Variants in LRP1B observed in about 807,000 individuals in gnomAD.
LRP1B encodes the protein low-density lipoprotein receptor-related protein 1B.
Under a neutral mutation model 556.6 loss-of-function variants are expected in LRP1B, and 217 were observed. The observed-to-expected ratio is 0.39, with a 90% confidence interval of 0.35 to 0.44. LRP1B has a LOEUF of 0.44. LRP1B is among the 20% of genes least tolerant of loss of function. The pLI, the probability that LRP1B is intolerant of heterozygous loss-of-function variation, is 1.00. For synonymous variants in LRP1B, 2,047 were observed against 1,865.8 expected (o/e 1.10, Z -2.50); for missense variants, 5,053 against 5,620.8 (o/e 0.90, Z 3.23).
intron 19 of LRP1B, among the ~76,000 whole-genome samples, chr2:140,950,929 T>A (rs1695696014): frequency 6.6e-6 from 1 of 152,110 alleles, no homozygotes; most frequent in Non-Finnish European, 1.5e-5. Context: ...CTCCTTTGAT[T>A]TAATATCAAC....
chr2:140,592,016 G>A (rs1448786021), intron 43 of LRP1B, among the ~76,000 whole-genome samples: 2 of 152,088 alleles, frequency 1.3e-5, no homozygotes, highest in African/African-American at 2.4e-5. Context: ...TTCATGATGA[G>A]TCTATGCATG....
intron 3 of LRP1B, among the ~76,000 whole-genome samples, chr2:141,433,294 C>A (rs1034378224): frequency 6.6e-6 from 1 of 151,982 alleles, no homozygotes; most frequent in Non-Finnish European, 1.5e-5. Context: ...AGGCTTATTT[C>A]ATGAACTAGC....
intron 2 of LRP1B, among the ~76,000 whole-genome samples, chr2:141,519,359 TGATATATATATA>T (rs1684443627): frequency 1.7e-5 from 1 of 57,302 alleles, no homozygotes; most frequent in Non-Finnish European, 3.1e-5. Context: ...CTTAAGTCAA[TGATATATATATA>T]TATATATATA....
chr2:140,734,256 C>T (rs1379479583), intron 35 of LRP1B, among the ~76,000 whole-genome samples: 1 of 152,092 alleles, frequency 6.6e-6, no homozygotes, highest in East Asian at 1.9e-4. Flanking sequence ...TTAGAAAGTT[C>T]CCCTAGGAAA....
intron 41 of LRP1B, among the ~76,000 whole-genome samples, chr2:140,651,526 T>TAAAAAAAAAAAAAAAAAAAAAAAAA (rs558677783): frequency 9.3e-6 from 1 of 107,028 alleles, no homozygotes; most frequent in African/African-American, 3.7e-5. Context: ...ATACAAAAAT[T>TAAAAAAAAAAAAAAAAAAAAAAAAA]AAAAAAAAAA....
At chr2:141,252,117 C>T (rs1223271211) in intron 4 of LRP1B, among the ~76,000 whole-genome samples, 3 of 151,928 alleles carry the variant, frequency 2.0e-5, no homozygotes, top group Non-Finnish European at 2.9e-5. Flanking sequence ...ACTTAAGCTT[C>T]AGTCACCCTT....
intron 41 of LRP1B, chr2:140,683,869 G>A: frequency 3.4e-6 from 2 of 579,810 alleles, no homozygotes; most frequent in East Asian, 3.0e-5. Flanking sequence ...GGCCCCCTGC[G>A]CCTGGGCCCT....
chr2:141,225,570 T>C (rs754060905), intron 6 of LRP1B, among the ~76,000 whole-genome samples: 3 of 152,130 alleles, frequency 2.0e-5, no homozygotes, highest in Non-Finnish European at 4.4e-5. Flanking sequence ...AATACTTTTT[T>C]AAAAAACAAG....
chr2:141,603,081 A>G (rs1687806385), intron 2 of LRP1B, among the ~76,000 whole-genome samples: 1 of 152,218 alleles, frequency 6.6e-6, no homozygotes, highest in Admixed American at 6.5e-5. Flanking sequence ...ATTGAATGTG[A>G]TGACTTATGA....
intron 1 of LRP1B, among the ~76,000 whole-genome samples, chr2:141,909,949 C>A (rs1699864451): frequency 6.6e-6 from 1 of 151,920 alleles, no homozygotes; most frequent in Admixed American, 6.6e-5. Context: ...TTTAACTACA[C>A]CTTTTCCATC....
chr2:142,056,019 C>T (rs1337578230), intron 1 of LRP1B, among the ~76,000 whole-genome samples: 1 of 151,982 alleles, frequency 6.6e-6, no homozygotes, highest in East Asian at 1.9e-4. Context: ...GGCGTGGTAT[C>T]GCATGCCTGT....
At chr2:140,248,176 G>A (rs1558924192) in intron 86 of LRP1B, among the ~76,000 whole-genome samples, 1 of 151,656 alleles carries the variant, frequency 6.6e-6, no homozygotes, top group Non-Finnish European at 1.5e-5. Flanking sequence ...CTTCTACGAT[G>A]CTATACGAAT....
chr2:141,950,056 G>C (rs956085808), intron 1 of LRP1B, among the ~76,000 whole-genome samples: 4 of 152,076 alleles, frequency 2.6e-5, no homozygotes, highest in African/African-American at 9.7e-5. Context: ...TGTATGTTCG[G>C]CCTTGATTTA....
chr2:140,718,610 T>A (rs575103143), intron 35 of LRP1B, among the ~76,000 whole-genome samples: 5 of 151,888 alleles, frequency 3.3e-5, no homozygotes, highest in African/African-American at 1.2e-4. Flanking sequence ...AATGGAGAAA[T>A]TCCCAAAGGA....
chr2:140,837,789 G>C (rs536315764), intron 31 of LRP1B, among the ~76,000 whole-genome samples: 1 of 147,842 alleles, frequency 6.8e-6, no homozygotes, highest in Non-Finnish European at 1.5e-5. Context: ...ACCGGGGACT[G>C]TTGTGGGGTG....
At chr2:141,491,403 T>C (rs1377729440) in intron 2 of LRP1B, among the ~76,000 whole-genome samples, 1 of 152,194 alleles carries the variant, frequency 6.6e-6, no homozygotes, top group Non-Finnish European at 1.5e-5. Context: ...CACTTGTATC[T>C]TTTTTCAGAA....
At chr2:141,840,932 G>GAAA (rs5834873) in intron 1 of LRP1B, among the ~76,000 whole-genome samples, 9 of 146,004 alleles carry the variant, frequency 6.2e-5, no homozygotes, top group African/African-American at 2.0e-4. Context: ...TGCATCTAGG[G>GAAA]AAAAAAAAAA....
chr2:141,815,052 G>A (rs148482490), intron 1 of LRP1B, among the ~76,000 whole-genome samples: 9 of 152,230 alleles, frequency 5.9e-5, no homozygotes, highest in African/African-American at 1.7e-4. Flanking sequence ...CTAAAAATCT[G>A]GAGTAGACTC....
chr2:141,521,851 G>A (rs1453161034), intron 2 of LRP1B, among the ~76,000 whole-genome samples: 1 of 152,002 alleles, frequency 6.6e-6, no homozygotes, highest in Non-Finnish European at 1.5e-5. Flanking sequence ...TTTAATTACA[G>A]TTAAATTTGT....
Sources: gnomAD v4.1 joint callset for allele counts (sites outside exome capture counted in the v4.1 genomes callset) on GRCh38, gnomAD v4.1.1 for gene constraint, MANE v1.5 for transcripts, NCBI Gene and HGNC (gene_info 2026-07-23, HGNC 2026-07-21) for gene names.